Variants in CALN1 observed in about 807,000 individuals in gnomAD.
CALN1 encodes calneuron 1, also known as calcium-binding protein 8.
Under a neutral mutation model 30.6 loss-of-function variants are expected in CALN1, and 17 were observed. The observed-to-expected ratio is 0.56, with a 90% CI of 0.38 to 0.83. CALN1 has a LOEUF of 0.83. Ranked by LOEUF, CALN1 falls within the 40% of genes least tolerant of loss-of-function variation. CALN1 has a pLI of 0.00. For missense variants in CALN1, 291 were observed against 354.9 expected (o/e 0.82, Z 1.45); for synonymous variants, 156 against 131.4 (o/e 1.19, Z -1.28).
intron 2 of CALN1, among the ~76,000 whole-genome samples, chr7:72,279,565 T>C (rs755906610): frequency 6.6e-6 from 1 of 152,168 alleles, no homozygotes; most frequent in Non-Finnish European, 1.5e-5. Context: ...TGAACCCAGA[T>C]GGTCATCAAT....
At chr7:72,294,193 G>A (rs764535753) in intron 2 of CALN1, among the ~76,000 whole-genome samples, 4 of 152,064 alleles carry the variant, frequency 2.6e-5, no homozygotes, top group Non-Finnish European at 4.4e-5. Context: ...ACCTCCCGCC[G>A]CCTTGAATGG....
chr7:72,187,162 G>GT (rs1027524612), intron 3 of CALN1, among the ~76,000 whole-genome samples: 4 of 152,002 alleles, frequency 2.6e-5, no homozygotes, highest in Non-Finnish European at 4.4e-5. Context: ...TGACTCTTCT[G>GT]TTTTTTGTGG....
chr7:72,431,682 A>G (rs1399797544), intron 1 of CALN1, among the ~76,000 whole-genome samples: 1 of 152,128 alleles, frequency 6.6e-6, no homozygotes, highest in African/African-American at 2.4e-5. Flanking sequence ...GTCTCTACAG[A>G]ATATTTAAAA....
At chr7:72,256,346 GCT>G (rs1473520992) in intron 3 of CALN1, among the ~76,000 whole-genome samples, 1 of 152,112 alleles carries the variant, frequency 6.6e-6, no homozygotes, top group African/African-American at 2.4e-5. Flanking sequence ...TGTGGTCCCA[GCT>G]ACTTGGGAGG....
intron 4 of CALN1, among the ~76,000 whole-genome samples, chr7:72,053,882 T>G (rs116449217): frequency 0.011 from 1,555 of 147,910 alleles, 19 homozygotes; most frequent in African/African-American, 0.037. Flanking sequence ...GGTGAGAACA[T>G]ACGATGCTTA....
the CALN1 span, among the ~76,000 whole-genome samples, chr7:72,462,475 G>T: frequency 5.3e-5 from 8 of 152,012 alleles, no homozygotes; most frequent in African/African-American, 1.7e-4. Flanking sequence ...ATGAGCCACC[G>T]CAACCAGCTT....
chr7:71,911,062 C>G (rs973709409), intron 5 of CALN1, among the ~76,000 whole-genome samples: 1 of 152,084 alleles, frequency 6.6e-6, no homozygotes, highest in African/African-American at 2.4e-5. Context: ...TTCAACAAAC[C>G]CCCAAATTCA....
the CALN1 span, among the ~76,000 whole-genome samples, chr7:72,456,754 G>A: frequency 3.3e-5 from 5 of 152,000 alleles, no homozygotes; most frequent in Admixed American, 1.3e-4. Flanking sequence ...GCTGAGGCAG[G>A]AGGAGCACCT....
intron 3 of CALN1, among the ~76,000 whole-genome samples, chr7:72,273,597 T>C (rs1046364966): frequency 2.0e-5 from 3 of 149,912 alleles, no homozygotes; most frequent in African/African-American, 7.4e-5. Context: ...TAGCTTACAG[T>C]AGCCTCAAAC....
intron 5 of CALN1, among the ~76,000 whole-genome samples, chr7:71,905,074 A>C (rs961882735): frequency 2.0e-5 from 3 of 151,844 alleles, no homozygotes; most frequent in Non-Finnish European, 4.4e-5. Context: ...GAGTAGCTGG[A>C]ATTACAGGTG....
the CALN1 span, among the ~76,000 whole-genome samples, chr7:72,482,437 C>G: frequency 6.6e-6 from 1 of 152,062 alleles, no homozygotes. Context: ...TCTTTGGTCA[C>G]TTTTTCCTCT....
In CALN1 at chr7:72,332,324, G is replaced by A. The variant is rs574583694; in HGVS notation, c.120-53514C>T. On this transcript the variant is annotated intron_variant, in intron 2 of 6. Coordinates refer to ENST00000395275, the MANE Select transcript of CALN1 (RefSeq NM_031468.4). Reference sequence around the variant, plus strand: ...AGGACAGTTTATGCAGAAATTTCTAGAAATAGGGTGGTAACTTCTGGGTGG... The same window carrying A: ...AGGACAGTTTATGCAGAAATTTCTAAAAATAGGGTGGTAACTTCTGGGTGG... Among the ~76,000 whole-genome samples, 11 of 152,128 alleles carry A rather than the reference G, an allele frequency of 7.2e-5. No individual in the cohort carries two copies. In the South Asian group the frequency reaches 1.5e-3, roughly 20 times the overall value.
intron 3 of CALN1, among the ~76,000 whole-genome samples, chr7:72,199,318 C>T (rs1434377681): frequency 6.6e-6 from 1 of 151,992 alleles, no homozygotes; most frequent in Non-Finnish European, 1.5e-5. Context: ...GTTCTAATGC[C>T]CACTCTCCCA....
chr7:72,390,495 G>A (rs989059619), intron 2 of CALN1, among the ~76,000 whole-genome samples: 5 of 152,190 alleles, frequency 3.3e-5, no homozygotes, highest in Non-Finnish European at 5.9e-5. Context: ...ACGTGGCTGA[G>A]AAACTCACCA....
At chr7:72,090,904 C>T (rs1044112201) in intron 4 of CALN1, among the ~76,000 whole-genome samples, 3 of 151,808 alleles carry the variant, frequency 2.0e-5, no homozygotes, top group Non-Finnish European at 4.4e-5. Flanking sequence ...GAGAGTAGAA[C>T]GATGATTATA....
chr7:71,936,248 C>G (rs942114108), intron 5 of CALN1, among the ~76,000 whole-genome samples: 1 of 152,054 alleles, frequency 6.6e-6, no homozygotes, highest in Non-Finnish European at 1.5e-5. Flanking sequence ...CCTGCAATCC[C>G]AGCACTTTGG....
At chr7:72,187,708 A>T (rs1790304433) in intron 3 of CALN1, among the ~76,000 whole-genome samples, 1 of 152,130 alleles carries the variant, frequency 6.6e-6, no homozygotes. Flanking sequence ...TTTTGCACCC[A>T]CTTGTAAATC....
chr7:72,321,782 C>T (rs962507373), intron 2 of CALN1, among the ~76,000 whole-genome samples: 6 of 152,180 alleles, frequency 3.9e-5, no homozygotes, highest in Non-Finnish European at 1.5e-5. Context: ...TCCTGATTCT[C>T]CCTTACCAAG....
intron 5 of CALN1, among the ~76,000 whole-genome samples, chr7:71,982,190 T>C (rs1468670185): frequency 7.2e-5 from 11 of 152,198 alleles, no homozygotes; most frequent in Admixed American, 6.5e-4. Flanking sequence ...CCTGCCTCTG[T>C]GATATTATCA....
Sources: gnomAD v4.1 joint callset for allele counts (sites outside exome capture counted in the v4.1 genomes callset) on GRCh38, gnomAD v4.1.1 for gene constraint, MANE v1.5 for transcripts, NCBI Gene and HGNC (gene_info 2026-07-23, HGNC 2026-07-21) for gene names.